The following FSTL5 variants were observed in gnomAD, a reference collection of about 807,000 sequenced individuals.
FSTL5 encodes follistatin-related protein 5.
FSTL5 carries 62 observed loss-of-function variants against 89.1 expected under a neutral mutation model. The ratio of observed to expected loss-of-function variants is 0.70; its 90% CI spans 0.57 to 0.86. The LOEUF (loss-of-function observed/expected upper bound fraction) is 0.86, where lower values mean the gene tolerates loss of function less well. FSTL5 is among the 40% of genes least tolerant of loss of function. The probability of loss-of-function intolerance (pLI) is 0.00; values close to 1 mark genes in which losing one functional copy is unlikely to be tolerated. For missense variants in FSTL5, 1,057 were observed against 1,001.6 expected, an observed-to-expected ratio of 1.06 and a Z score of -0.75; for synonymous variants, 383 against 346.2, an observed-to-expected ratio of 1.11 and a Z score of -1.18.
At chr4:161,694,351 A>C (rs1457183196) in intron 6 of FSTL5, among the ~76,000 whole-genome samples, 3 of 151,962 alleles carry the variant, frequency 2.0e-5, no homozygotes, top group Admixed American at 2.0e-4. Flanking sequence ...TCTGTTTCCC[A>C]GTGAATGTTG....
intron 7 of FSTL5, among the ~76,000 whole-genome samples, chr4:161,633,274 T>C (rs1287718286): frequency 6.9e-6 from 1 of 145,610 alleles, no homozygotes; most frequent in East Asian, 2.0e-4. Flanking sequence ...GTTTTCTGTG[T>C]CTTTAAACTA....
chr4:161,707,742 C>T (rs1359262735), intron 6 of FSTL5, among the ~76,000 whole-genome samples: 2 of 151,838 alleles, frequency 1.3e-5, no homozygotes, highest in Non-Finnish European at 2.9e-5. Flanking sequence ...ACAATCATAA[C>T]TAATCATCTT....
At chr4:162,061,018 T>G (rs1442116616) in intron 2 of FSTL5, among the ~76,000 whole-genome samples, 5 of 152,118 alleles carry the variant, frequency 3.3e-5, no homozygotes, top group Admixed American at 6.6e-5. Flanking sequence ...CTATGATTTA[T>G]TTTAAAATAA....
intron 3 of FSTL5, among the ~76,000 whole-genome samples, chr4:161,975,903 C>G (rs1735628466): frequency 6.6e-6 from 1 of 150,894 alleles, no homozygotes; most frequent in South Asian, 2.1e-4. Flanking sequence ...ATCACGAGGC[C>G]AGGAGACCGA....
chr4:161,806,640 A>T (rs370919602), intron 4 of FSTL5, among the ~76,000 whole-genome samples: 6 of 152,324 alleles, frequency 3.9e-5, no homozygotes, highest in African/African-American at 1.4e-4. Context: ...AGAAAACAAG[A>T]TAGTGGCTAT....
intron 4 of FSTL5, among the ~76,000 whole-genome samples, chr4:161,878,121 T>C (rs1388877038): frequency 1.3e-5 from 2 of 152,122 alleles, no homozygotes; most frequent in African/African-American, 2.4e-5. Context: ...TAAACAGATA[T>C]ATTCAACACA....
At chr4:162,144,715 C>T (rs1320138727) in intron 1 of FSTL5, among the ~76,000 whole-genome samples, 1 of 151,908 alleles carries the variant, frequency 6.6e-6, no homozygotes, top group Admixed American at 6.6e-5. Context: ...GATACCAATA[C>T]AGAAAAGCAA....
chr4:161,756,178 GA>G (rs1740560610), intron 6 of FSTL5, among the ~76,000 whole-genome samples: 2 of 151,620 alleles, frequency 1.3e-5, no homozygotes, highest in Non-Finnish European at 2.9e-5. Context: ...GCATTACTTA[GA>G]AAAAACATTA....
At chr4:161,948,144 G>A (rs1383099023) in intron 3 of FSTL5, among the ~76,000 whole-genome samples, 2 of 151,722 alleles carry the variant, frequency 1.3e-5, no homozygotes, top group Non-Finnish European at 2.9e-5. Context: ...GCTGCTGGGT[G>A]TAGTTGTGTG....
At chr4:161,858,052 A>G (rs1482323965) in intron 4 of FSTL5, among the ~76,000 whole-genome samples, 1 of 152,156 alleles carries the variant, frequency 6.6e-6, no homozygotes, top group Non-Finnish European at 1.5e-5. Context: ...AGGTGATAGT[A>G]TTAGGAGGTG....
intron 15 of FSTL5, among the ~76,000 whole-genome samples, chr4:161,443,810 G>C (rs1035695838): frequency 3.5e-4 from 53 of 152,012 alleles, no homozygotes; most frequent in African/African-American, 1.3e-3. Flanking sequence ...GACAAAATGA[G>C]TAATTATGTG....
Position 161,459,258 on chromosome 4 carries a change from C to G in FSTL5, c.1670G>C (p.Trp557Ser). ...CTCCAAGGTACCCCAGCTTAGCACC[C>G]AGACCTGATCATGTGATTTGTCATA... ...LHYDKSHDQV[W>S]VLSWGTLEKT... is the part of the protein sequence containing the mutation. Residue 557 changes from tryptophan (W) to serine (S), a missense_variant, in exon 14 of 16, where the codon TGG becomes TCG. Trp to Ser is a radical substitution (Grantham distance 177). Coordinates refer to ENST00000306100, the MANE Select transcript of FSTL5 (RefSeq NM_020116.5). 2 of 1,613,488 alleles carry G rather than the reference C, an allele frequency of 1.2e-6. No homozygotes were observed. Among genetic ancestry groups the G allele is most frequent in the Non-Finnish European group, 1.7e-6 (2 of 1,179,582 alleles).
intron 4 of FSTL5, among the ~76,000 whole-genome samples, chr4:161,900,354 T>C (rs1043543085): frequency 1.3e-5 from 2 of 150,790 alleles, no homozygotes; most frequent in Admixed American, 6.6e-5. Flanking sequence ...GTAACTCGGG[T>C]TCTCAGCAAG....
At chr4:161,673,264 A>G (rs1478084770) in intron 6 of FSTL5, among the ~76,000 whole-genome samples, 1 of 152,050 alleles carries the variant, frequency 6.6e-6, no homozygotes, top group African/African-American at 2.4e-5. Context: ...AGAGGAGTTC[A>G]GTACAATAAA....
intron 8 of FSTL5, among the ~76,000 whole-genome samples, chr4:161,563,296 A>C (rs569147625): frequency 6.6e-6 from 1 of 151,924 alleles, no homozygotes; most frequent in Non-Finnish European, 1.5e-5. Flanking sequence ...TATTTTGAAA[A>C]CTTCTGGCTA....
intron 15 of FSTL5, among the ~76,000 whole-genome samples, chr4:161,440,160 T>A (rs576364543): frequency 7.7e-4 from 117 of 152,206 alleles, no homozygotes; most frequent in Admixed American, 2.6e-3. Flanking sequence ...ACCTTAATCC[T>A]CCACAAAAGG....
intron 3 of FSTL5, among the ~76,000 whole-genome samples, chr4:161,982,548 C>A (rs980123449): frequency 6.6e-6 from 1 of 152,074 alleles, no homozygotes; most frequent in African/African-American, 2.4e-5. Flanking sequence ...ATATTCCTGG[C>A]CACACTTGTG....
intron 7 of FSTL5, among the ~76,000 whole-genome samples, chr4:161,588,173 C>T (rs1474698891): frequency 6.6e-6 from 1 of 151,714 alleles, no homozygotes; most frequent in East Asian, 1.9e-4. Flanking sequence ...GACTCTGTCT[C>T]TAAATAAATA....
At chr4:162,152,512 A>G (rs76648688) in intron 1 of FSTL5, among the ~76,000 whole-genome samples, 15,848 of 152,060 alleles carry the variant, frequency 0.1, 1,067 homozygotes, top group Non-Finnish European at 0.14. Flanking sequence ...TTTTTTCCCT[A>G]CATAGTCCCA....
Sources: gnomAD v4.1 joint callset for allele counts (sites outside exome capture counted in the v4.1 genomes callset) on GRCh38, gnomAD v4.1.1 for gene constraint, MANE v1.5 for transcripts, NCBI Gene and HGNC (gene_info 2026-07-23, HGNC 2026-07-21) for gene names.